GADL1: variants seen among roughly 807,000 people sequenced by gnomAD.
GADL1 encodes the protein acidic amino acid decarboxylase GADL1.
A neutral mutation model predicts 69.5 loss-of-function variants in GADL1; 71 were observed. That is an observed-to-expected ratio of 1.02 (90% confidence interval 0.84 to 1.25). The LOEUF (loss-of-function observed/expected upper bound fraction) is 1.25. GADL1 is among the 50% of genes most tolerant of loss of function. The probability of loss-of-function intolerance (pLI) is 0.00; values close to 1 mark genes in which losing one functional copy is unlikely to be tolerated. For missense variants in GADL1, 737 were observed against 631.8 expected (o/e 1.17, Z -1.79); for synonymous variants, 254 against 214.4 (o/e 1.18, Z -1.62).
chr3:30,763,898 C>A (rs1156411304), intron 14 of GADL1, among the ~76,000 whole-genome samples: 3 of 151,834 alleles, frequency 2.0e-5, no homozygotes, highest in Non-Finnish European at 2.9e-5. Flanking sequence ...ATTTGGTTAT[C>A]CATATTTGAA....
intron 14 of GADL1, among the ~76,000 whole-genome samples, chr3:30,775,757 G>T (rs190531565): frequency 3.3e-5 from 5 of 152,294 alleles, no homozygotes; most frequent in Admixed American, 2.0e-4. Context: ...AAATATTGGG[G>T]ATAAGAGAAT....
intron 2 of GADL1, 117 bp from the exon 3 acceptor site, chr3:30,857,258 C>G (rs1004322001): frequency 6.2e-6 from 5 of 804,926 alleles, no homozygotes; most frequent in East Asian, 5.4e-5. Flanking sequence ...TTTAAACATG[C>G]AACTATAGTT....
chr3:30,870,715 A>T (rs1698468246), intron 1 of GADL1, among the ~76,000 whole-genome samples: 1 of 151,684 alleles, frequency 6.6e-6, no homozygotes, highest in African/African-American at 2.4e-5. Context: ...GGCAGACGAG[A>T]TGGAGCAAAG....
At chr3:30,838,842 C>G (rs919597846) in intron 9 of GADL1, among the ~76,000 whole-genome samples, 155 bp downstream of exon 9, 1 of 152,098 alleles carries the variant, frequency 6.6e-6, no homozygotes, top group Non-Finnish European at 1.5e-5. Context: ...CTCATTTATA[C>G]TTTACAAGAA....
chr3:30,737,186 C>G (rs751785134), intron 14 of GADL1, among the ~76,000 whole-genome samples: 1 of 152,098 alleles, frequency 6.6e-6, no homozygotes. Flanking sequence ...CACCCAAATG[C>G]TCTTTTTCAT....
At chr3:30,838,575 C>T (rs1003410629) in intron 9 of GADL1, among the ~76,000 whole-genome samples, 2 of 152,072 alleles carry the variant, frequency 1.3e-5, no homozygotes, top group African/African-American at 4.8e-5. Flanking sequence ...TAGAAAGATA[C>T]CTTACAGCCC....
In GADL1 at chr3:30,889,084, TAA is replaced by T. The variant is rs60227313; in HGVS notation, c.37+5492_37+5493del. 3.9e-3 allele frequency among the ~76,000 whole-genome samples: 128 copies of T among 32,898 alleles called. 1 individual carries two copies. Among genetic ancestry groups the T allele is most frequent in the South Asian group, 6.1e-3 (4 of 660 alleles). The allele number at this position is 32,898 out of a possible 152,430, so 21.6% of individuals were successfully genotyped here. The stretch of plus-strand genomic sequence containing the variant: ...GAAATACCGAAGACTCGGTAATCTA[TAA>T]AAAAAAAAAAAAAAAAAAAAAAAAA... On this transcript the variant is annotated intron_variant, in intron 1 of 14. Coordinates refer to ENST00000282538, the MANE Select transcript of GADL1 (RefSeq NM_207359.3).
intron 6 of GADL1, among the ~76,000 whole-genome samples, chr3:30,847,330 T>C (rs984705467): frequency 6.6e-6 from 1 of 152,134 alleles, no homozygotes; most frequent in Non-Finnish European, 1.5e-5. Flanking sequence ...TATTCTGCAC[T>C]GGATGGTGCA....
In GADL1 at chr3:30,822,804, T is replaced by C. The variant is rs541352020; in HGVS notation, c.1050+11049A>G. On this transcript the variant is annotated intron_variant, in intron 11 of 14. Transcript: ENST00000282538. ...TATTTACATTCTCCAACTCCTGCTT[T>C]TTAATCATTACATAACTAAATAATA... is the stretch of plus-strand genomic sequence containing the variant. 2.0e-5 allele frequency among the ~76,000 whole-genome samples: 3 copies of C among 152,164 alleles called. No individual in the cohort carries two copies. The South Asian group carries it at 6.2e-4, about 32-fold the overall frequency.
intron 14 of GADL1, among the ~76,000 whole-genome samples, chr3:30,773,545 A>G (rs1389930128): frequency 6.6e-6 from 1 of 152,196 alleles, no homozygotes; most frequent in Non-Finnish European, 1.5e-5. Flanking sequence ...ACATGTACTT[A>G]AGTATACTTA....
chr3:30,844,177 G>T lies in GADL1; in HGVS notation c.786+33C>A, dbSNP rs201518367. The T allele has an allele frequency of 8.2e-6, 13 of 1,579,624 alleles. No homozygotes were observed. In the African/African-American group the frequency reaches 1.1e-4, roughly 13 times the overall value. On this transcript the variant is annotated intron_variant, in intron 8 of 14. Coordinates refer to ENST00000282538, the MANE Select transcript of GADL1 (RefSeq NM_207359.3). ...CGCGGGCGTGCGCGCACACACACAC[G>T]TTCTCTCTCCCTCTCGCTTTCTCCC...
chr3:30,894,443 A>G (rs1203150778), intron 1 of GADL1, 135 bp downstream of exon 1: 5 of 598,838 alleles, frequency 8.3e-6, no homozygotes, highest in Non-Finnish European at 1.4e-5. Flanking sequence ...ATCCATGAAG[A>G]TGGGGACTTT....
intron 14 of GADL1, among the ~76,000 whole-genome samples, chr3:30,755,482 G>T (rs1021549295): frequency 6.6e-6 from 1 of 152,216 alleles, no homozygotes; most frequent in African/African-American, 2.4e-5. Context: ...ACAGTAACCT[G>T]AAAGATAAGT....
At chr3:30,803,635 T>C (rs1028122235) in intron 11 of GADL1, among the ~76,000 whole-genome samples, 8 of 152,214 alleles carry the variant, frequency 5.3e-5, no homozygotes, top group African/African-American at 1.9e-4. Flanking sequence ...TGTCCTGCAA[T>C]AGTGACAGTT....
chr3:30,747,013 T>C (rs1695717215), intron 14 of GADL1, among the ~76,000 whole-genome samples: 1 of 152,188 alleles, frequency 6.6e-6, no homozygotes, highest in South Asian at 2.1e-4. Context: ...CAGGCCCTTT[T>C]TGGTACCTTG....
At position 30,742,481 on chromosome 3, in the gene GADL1, T is replaced by C. The variant is rs375037967; in HGVS notation, c.1393-14066A>G. The stretch of plus-strand genomic sequence containing the variant: ...TTGTGTAGTTATTCAACTTTGTACA[T>C]CTACTGCAGTACATTTCTAAAAGTA... On this transcript the variant is annotated intron_variant, in intron 14 of 14. Transcript: ENST00000282538. Among the ~76,000 whole-genome samples the C allele has an allele frequency of 3.7e-4, 56 of 152,258 alleles. 2 individuals are homozygous for C. In the East Asian group the frequency reaches 7.3e-3, roughly 20 times the overall value.
At chr3:30,778,128 A>T in intron 14 of GADL1, 51 bp downstream of exon 14, 1 of 995,244 alleles carries the variant, frequency 1.0e-6, no homozygotes, top group Non-Finnish European at 1.6e-6. Flanking sequence ...CAGATAATGT[A>T]CACTGAATCT....
intron 14 of GADL1, among the ~76,000 whole-genome samples, chr3:30,750,109 A>C (rs1324806139): frequency 1.3e-5 from 2 of 152,160 alleles, no homozygotes; most frequent in African/African-American, 2.4e-5. Flanking sequence ...TTCTTCATCA[A>C]AGTAAATTAG....
At chr3:30,757,413 G>A (rs1477656399) in intron 14 of GADL1, among the ~76,000 whole-genome samples, 1 of 152,158 alleles carries the variant, frequency 6.6e-6, no homozygotes, top group African/African-American at 2.4e-5. Flanking sequence ...TAAATGCTTA[G>A]GACAATTCGC....
Sources: allele counts gnomAD v4.1 joint callset (sites outside exome capture counted in the v4.1 genomes callset), GRCh38; gene constraint gnomAD v4.1.1; transcripts MANE v1.5; gene names NCBI Gene and HGNC (gene_info 2026-07-23, HGNC 2026-07-21).